TKTL1: variants seen among roughly 807,000 people sequenced by gnomAD.
The protein encoded by TKTL1 is transketolase-like protein 1.
In TKTL1, 1 loss-of-function variant was observed where a neutral mutation model predicts 39.3. The observed-to-expected ratio is 0.03, with a 90% CI of 0.01 to 0.12. The LOEUF (loss-of-function observed/expected upper bound fraction) is 0.12, where lower values mean the gene tolerates loss of function less well. TKTL1 is among the 10% of genes least tolerant of loss of function. TKTL1 has a pLI of 1.00. For synonymous variants in TKTL1, 262 were observed against 193.8 expected (o/e 1.35, Z -2.92); for missense variants, 575 against 509.6 (o/e 1.13, Z -1.24).
In TKTL1 at chrX:154,305,500, G is replaced by A. The variant is rs782643155; in HGVS notation, c.252+79G>A. On this transcript the variant is annotated intron_variant, in intron 2 of 12. Coordinates refer to ENST00000369915, the MANE Select transcript of TKTL1 (RefSeq NM_012253.4). Reference sequence around the variant, plus strand: ...TTGAACAGCCACCGTGTGGGAACAAGGCCTGAAATGGGCCTCGTTTATTAT... The same window carrying A: ...TTGAACAGCCACCGTGTGGGAACAAAGCCTGAAATGGGCCTCGTTTATTAT... The A allele has an allele frequency of 3.1e-4, 333 of 1,078,737 alleles. No homozygotes were observed. In the African/African-American group the frequency reaches 5.6e-3, roughly 18 times the overall value. The allele number at this position is 1,078,737 out of a possible 1,213,427, so 88.9% of individuals were successfully genotyped here. A position where few individuals can be genotyped will look rare whatever the true frequency, so the allele number is the denominator to read the frequency against.
At position 154,329,607 on chromosome X, in the gene TKTL1, G is replaced by A. The variant is rs1414299159; in HGVS notation, c.1710G>A (p.Gly570=). ...CAGTGTCGGGAGTGCCCCAGAGTGGGAAGTCCGAGGAATTGCTGGATATGT... is the reference window on the plus strand; with the variant it reads ...CAGTGTCGGGAGTGCCCCAGAGTGGAAAGTCCGAGGAATTGCTGGATATGT... ...SLAVSGVPQS[G]KSEELLDMYG... is the part of the protein sequence containing the mutation. Residue 570 remains glycine, a synonymous_variant, in exon 13 of 13, where the codon GGG becomes GGA. Coordinates refer to ENST00000369915, the MANE Select transcript of TKTL1 (RefSeq NM_012253.4). 6.6e-6 allele frequency: 8 copies of A among 1,210,316 alleles called. No individual in the cohort carries two copies. The African/African-American group carries it at 1.4e-4, about 21-fold the overall frequency.
intron 1 of TKTL1, among the ~76,000 whole-genome samples, chrX:154,303,926 C>G (rs1557166591): frequency 9.6e-6 from 1 of 104,113 alleles, no homozygotes; most frequent in Non-Finnish European, 2.0e-5. Context: ...TTCTGTTGGT[C>G]TTCTGAGAAT....
At chrX:154,326,108 C>T (rs2067491717) in intron 10 of TKTL1, among the ~76,000 whole-genome samples, 1 of 111,838 alleles carries the variant, frequency 8.9e-6, no homozygotes, top group African/African-American at 3.3e-5. Flanking sequence ...TCACAAAAGC[C>T]CTGAGAAGTT....
intron 3 of TKTL1, among the ~76,000 whole-genome samples, 187 bp downstream of exon 3, chrX:154,309,629 T>C (rs908048870): frequency 9.0e-6 from 1 of 111,178 alleles, no homozygotes; most frequent in Non-Finnish European, 1.9e-5. Flanking sequence ...GCTGCCCCAC[T>C]TTCTCTCCCA....
chrX:154,303,596 G>C (rs58595626), intron 1 of TKTL1, among the ~76,000 whole-genome samples: 2,273 of 103,231 alleles, frequency 0.022, 82 homozygotes, highest in African/African-American at 0.077. Context: ...CACCTCCTGC[G>C]TTTGGCCCCC....
chrX:154,302,987 C>T, intron 1 of TKTL1, among the ~76,000 whole-genome samples: 1 of 110,285 alleles, frequency 9.1e-6, no homozygotes, highest in African/African-American at 3.3e-5. Flanking sequence ...GGCCCTGCTG[C>T]CACCTGGATT....
At chrX:154,317,868 TGGACTGGAGGGCA>T (rs1201015486) in intron 7 of TKTL1, among the ~76,000 whole-genome samples, 1 of 108,802 alleles carries the variant, frequency 9.2e-6, no homozygotes, top group Non-Finnish European at 1.9e-5. Flanking sequence ...GGGGGAGAAG[TGGACTGGAGGGCA>T]CCATCAGGAG....
At chrX:154,300,080 A>G (rs924487655) in intron 1 of TKTL1, among the ~76,000 whole-genome samples, 1 of 107,175 alleles carries the variant, frequency 9.3e-6, no homozygotes, top group Non-Finnish European at 1.9e-5. Context: ...CAGTGGCGCA[A>G]TGTTGGCTCA....
chrX:154,307,612 T>A (rs1243066970), intron 2 of TKTL1, among the ~76,000 whole-genome samples: 1 of 112,635 alleles, frequency 8.9e-6, no homozygotes, highest in Non-Finnish European at 1.9e-5. Context: ...ATCCTTGACC[T>A]CCTGTCACCT....
intron 12 of TKTL1, among the ~76,000 whole-genome samples, chrX:154,328,432 G>C (rs1038361132): frequency 1.2e-4 from 13 of 104,950 alleles, no homozygotes; most frequent in Non-Finnish European, 9.8e-5. Context: ...TGTAGTCCCA[G>C]CTACTTGGGA....
intron 1 of TKTL1, among the ~76,000 whole-genome samples, chrX:154,298,170 T>G (rs1270866067): frequency 9.0e-6 from 1 of 111,578 alleles, no homozygotes; most frequent in Non-Finnish European, 1.9e-5. Flanking sequence ...CTGTCACTCT[T>G]TTTATTTCTG....
rs782538374 is a variant in TKTL1, at chrX:154,327,597, C to T, written c.1408C>T (p.Arg470Cys). ...TTTGCTGGCACTATACCAGGTCCTC[C>T]GCCACTGTGTCAGTGACAAGGTCAC... ...RFEIGQAKVL[R>C]HCVSDKVTVI... The change falls in exon 11 of 13, where the codon CGC (arginine) becomes TGC (cysteine). Residue 470 changes from arginine to cysteine, a missense_variant. By Grantham distance (180) the Arg-to-Cys change is radical (BLOSUM62 -3). Transcript: ENST00000369915. 9.9e-6 allele frequency: 12 copies of T among 1,207,052 alleles called. No homozygotes were observed. Among genetic ancestry groups the T allele is most frequent in the Middle Eastern group, 2.3e-4 (1 of 4,338 alleles).
chrX:154,300,815 C>G (rs2067267858), intron 1 of TKTL1, among the ~76,000 whole-genome samples: 1 of 110,580 alleles, frequency 9.0e-6, no homozygotes. Flanking sequence ...TCCTGCCTTA[C>G]CCGAGTAGCT....
intron 7 of TKTL1, among the ~76,000 whole-genome samples, chrX:154,316,231 G>A (rs142049018): frequency 3.7e-4 from 41 of 110,767 alleles, no homozygotes; most frequent in African/African-American, 1.2e-3. Flanking sequence ...CACCACACCC[G>A]GCTAATTTTT....
chrX:154,310,950 G>C lies in TKTL1; in HGVS notation c.465G>C (p.Val155=), dbSNP rs782039615. Residue 155 remains valine, a synonymous_variant, in exon 4 of 13, where the codon GTG becomes GTC. Transcript: ENST00000369915. ...ACAATCTTGTGGCAATCTTTGATGT[G>C]AACCGCCTGGGACACAGTGGTGCAT... ...SLDNLVAIFD[V]NRLGHSGALP... 8.3e-6 allele frequency: 10 copies of C among 1,210,446 alleles called. No individual in the cohort carries two copies. Among genetic ancestry groups the C allele is most frequent in the South Asian group, 1.8e-5 (1 of 56,885 alleles).
Position 154,311,147 on chromosome X carries a change from G to A in TKTL1, c.579G>A (p.Glu193=). The A allele has an allele frequency of 8.2e-7, 1 of 1,212,205 alleles. No individual in the cohort carries two copies. The highest frequency in any genetic ancestry group is 1.1e-6 in the Non-Finnish European group (1 of 895,615). ...ATGTGGTGGACGGCCGGGACGTGGA[G>A]GCACTGTGCCAGGTATTCTGGCAGG... The part of the protein sequence containing the change: ...NTYVVDGRDV[E]ALCQVFWQAS... The change falls in exon 5 of 13, where the codon GAG becomes GAA. Residue 193 remains glutamate (E), a synonymous_variant. Coordinates refer to ENST00000369915, the MANE Select transcript of TKTL1 (RefSeq NM_012253.4).
chrX:154,311,098 C>G lies in TKTL1; in HGVS notation c.543-13C>G, dbSNP rs1452768971. The G allele has an allele frequency of 8.3e-7, 1 of 1,211,448 alleles. No individual in the cohort carries two copies. The highest frequency in any genetic ancestry group is 3.0e-5 in the East Asian group (1 of 33,823). ...TTCATCTCTTGTAACCCAGCCTGCT[C>G]CTCTGTTGGCAGGTGGAACACTTAT... On this transcript the variant is annotated splice_polypyrimidine_tract_variant and intron_variant, in intron 4 of 12. Transcript: ENST00000369915.
chrX:154,324,917 T>G (rs1466979006), intron 9 of TKTL1, among the ~76,000 whole-genome samples: 1 of 112,516 alleles, frequency 8.9e-6, no homozygotes, highest in Non-Finnish European at 1.9e-5. Context: ...TACATTTTAT[T>G]GGGAAAGGGG....
intron 5 of TKTL1, among the ~76,000 whole-genome samples, chrX:154,312,223 CAG>C (rs2067363537): frequency 8.9e-6 from 1 of 112,567 alleles, no homozygotes; most frequent in Non-Finnish European, 1.9e-5. Flanking sequence ...CAGTGGCCCT[CAG>C]GGGCATAGCT....
Sources: allele counts gnomAD v4.1 joint callset (sites outside exome capture counted in the v4.1 genomes callset), GRCh38; gene constraint gnomAD v4.1.1; transcripts MANE v1.5; gene names NCBI Gene and HGNC (gene_info 2026-07-23, HGNC 2026-07-21).